Variants in GYPE observed in about 807,000 individuals in gnomAD.
GYPE encodes glycophorin E (MNS blood group).
In GYPE, 8 loss-of-function variants were observed where a neutral mutation model predicts 11.6. The observed-to-expected ratio is 0.69, with a 90% CI of 0.41 to 1.25. The LOEUF (loss-of-function observed/expected upper bound fraction) is 1.25, where lower values mean the gene tolerates loss of function less well. Ranked by LOEUF, GYPE falls within the 50% of genes most tolerant of loss-of-function variation. The probability of loss-of-function intolerance (pLI) is 0.01; values close to 1 mark genes in which losing one functional copy is unlikely to be tolerated. For missense variants in GYPE, 90 were observed against 92.8 expected (o/e 0.97, Z 0.12); for synonymous variants, 28 against 29.6 (o/e 0.94, Z 0.18).
chr4:143,893,734 G>T (rs1394447374), intron 1 of GYPE, among the ~76,000 whole-genome samples: 1 of 152,084 alleles, frequency 6.6e-6, no homozygotes, highest in Non-Finnish European at 1.5e-5. Context: ...CTCTCTGGCT[G>T]CCCTTAGCAT....
chr4:143,895,797 A>C (rs1259944601), intron 1 of GYPE, among the ~76,000 whole-genome samples: 1 of 151,948 alleles, frequency 6.6e-6, no homozygotes, highest in Non-Finnish European at 1.5e-5. Context: ...TGGTACTGGT[A>C]CCAAAACAGA....
intron 3 of GYPE, among the ~76,000 whole-genome samples, 189 bp downstream of exon 3, chr4:143,876,557 C>A (rs184307256): frequency 6.6e-6 from 1 of 152,060 alleles, no homozygotes; most frequent in Admixed American, 6.6e-5. Context: ...TAGAGGCTCC[C>A]TTTAATTGGG....
intron 1 of GYPE, among the ~76,000 whole-genome samples, chr4:143,881,610 T>G (rs1271706798): frequency 6.6e-6 from 1 of 152,184 alleles, no homozygotes; most frequent in Non-Finnish European, 1.5e-5. Flanking sequence ...GCCACAGATA[T>G]CCCTATGCTG....
chr4:143,904,175 A>G (rs1251740284), intron 1 of GYPE, among the ~76,000 whole-genome samples: 2 of 151,898 alleles, frequency 1.3e-5, no homozygotes, highest in African/African-American at 2.4e-5. Flanking sequence ...CACCAATCAC[A>G]TACGTAGGTT....
At chr4:143,879,645 G>T (rs1205759468) in intron 2 of GYPE, among the ~76,000 whole-genome samples, 1 of 152,162 alleles carries the variant, frequency 6.6e-6, no homozygotes, top group South Asian at 2.1e-4. Context: ...AGTTGTAACA[G>T]AATTTTCTGA....
At chr4:143,880,728 G>GTA in intron 1 of GYPE, among the ~76,000 whole-genome samples, 1 of 152,322 alleles carries the variant, frequency 6.6e-6, no homozygotes, top group East Asian at 1.9e-4. Flanking sequence ...CAGAATTTCT[G>GTA]CATGGCAGAG....
chr4:143,890,856 T>A (rs940903837), intron 1 of GYPE, among the ~76,000 whole-genome samples: 5 of 151,830 alleles, frequency 3.3e-5, no homozygotes, highest in Non-Finnish European at 5.9e-5. Flanking sequence ...CATTTAATTT[T>A]ACTTTAATCA....
In GYPE at chr4:143,901,058, A is replaced by G. The variant is rs116245953; in HGVS notation, c.37+4413T>C. 4.9e-3 allele frequency among the ~76,000 whole-genome samples: 740 copies of G among 152,344 alleles called. 11 individuals carry two copies. Among genetic ancestry groups the G allele is most frequent in the African/African-American group, 0.016 (685 of 41,570 alleles). ...GTGCATGGCACAAAGTGAGTGCTAT[A>G]TCACTGTTGGTTTTTATTATTCAGA... On this transcript the variant is annotated intron_variant, in intron 1 of 3. Coordinates refer to ENST00000358615, the MANE Select transcript of GYPE (RefSeq NM_198682.3).
At chr4:143,897,039 A>G (rs888148514) in intron 1 of GYPE, among the ~76,000 whole-genome samples, 54 of 152,212 alleles carry the variant, frequency 3.5e-4, no homozygotes, top group African/African-American at 1.1e-3. Flanking sequence ...GATAGCATTA[A>G]GAGATATACC....
At chr4:143,875,051 T>G (rs950699921) in intron 3 of GYPE, among the ~76,000 whole-genome samples, 1 of 152,200 alleles carries the variant, frequency 6.6e-6, no homozygotes, top group Non-Finnish European at 1.5e-5. Flanking sequence ...CTTTGCTTTT[T>G]AAATTACAGT....
intron 1 of GYPE, among the ~76,000 whole-genome samples, chr4:143,897,528 A>T (rs7686192): frequency 0.014 from 2,165 of 152,234 alleles, 56 homozygotes; most frequent in African/African-American, 0.05. Flanking sequence ...CACACAGAAT[A>T]AGGGAAGGTA....
chr4:143,901,038 T>C (rs1357511246), intron 1 of GYPE, among the ~76,000 whole-genome samples: 1 of 152,226 alleles, frequency 6.6e-6, no homozygotes, highest in Non-Finnish European at 1.5e-5. Context: ...GAACAGTGCA[T>C]GGCACAAAGT....
rs2590007 is a variant in GYPE at position 143,889,221 on chromosome 4, G to T, written c.38-8712C>A. On this transcript the variant is annotated intron_variant, in intron 1 of 3. Coordinates refer to ENST00000358615, the MANE Select transcript of GYPE (RefSeq NM_198682.3). ...CCCTTCAGGAAGCCTGAACTTTTTA[G>T]CCTCGCTCTGTACTATCCAGCTTCT... Among the ~76,000 whole-genome samples the T allele has an allele frequency of 6.1e-3, 918 of 150,770 alleles. 6 individuals are homozygous for T. The highest frequency in any genetic ancestry group is 0.019 in the African/African-American group (763 of 40,280).
At chr4:143,876,940 TAAC>T (rs1478428624) in intron 2 of GYPE, 85 bp from the exon 3 acceptor site, 1 of 755,716 alleles carries the variant, frequency 1.3e-6, no homozygotes, top group Non-Finnish European at 2.4e-6. Flanking sequence ...AACATCAGCA[TAAC>T]ATCACCTTGC....
rs376597450 is a variant in GYPE, at chr4:143,876,741, C to T, written c.*9+5G>A. 5.1e-5 allele frequency: 75 copies of T among 1,477,192 alleles called. No individual in the cohort carries two copies. The highest frequency in any genetic ancestry group is 3.3e-4 in the African/African-American group (24 of 72,280). 91.5% of individuals were successfully genotyped at this position (1,477,192 alleles called of 1,614,324 possible). ...TTAGAGCAAAATTAAAAACTGAATT[C>T]TCACCTTTATCAGTCATCGAATACA... On this transcript the variant is annotated splice_donor_5th_base_variant and intron_variant, in intron 3 of 3. Transcript: ENST00000358615.
Position 143,876,844 on chromosome 4 carries a change from TGA to T in GYPE, c.146_147del (p.Leu49HisfsTer2), listed in dbSNP as rs777566229. 6.2e-7 allele frequency: 1 copy of T among 1,602,296 alleles called. No individual in the cohort carries two copies. The highest frequency in any genetic ancestry group is 8.5e-7 in the Non-Finnish European group (1 of 1,170,064). On this transcript the variant is annotated frameshift_variant, in exon 3 of 4. Transcript: ENST00000358615. LOFTEE classifies it high-confidence loss of function. ...ACACGAGCCATCGCCCACCAATTAA[TGA>T]GTGTTATCCCTACAGGAGATAAAGA... Reference protein sequence around the residue: ...YISSQTNGITLINWWAMARVI... With the variant: ...YISSQTNGITXINWWAMARVI...
intron 1 of GYPE, among the ~76,000 whole-genome samples, chr4:143,890,009 G>A (rs1236587665): frequency 6.6e-6 from 1 of 152,200 alleles, no homozygotes; most frequent in Admixed American, 6.5e-5. Flanking sequence ...AATCAAGTAA[G>A]TTGTCATTGA....
At chr4:143,881,087 T>G (rs569045967) in intron 1 of GYPE, among the ~76,000 whole-genome samples, 95 of 150,914 alleles carry the variant, frequency 6.3e-4, no homozygotes, top group Non-Finnish European at 9.4e-4. Flanking sequence ...GAAACAATAA[T>G]AAAACACTAT....
intron 3 of GYPE, among the ~76,000 whole-genome samples, chr4:143,876,295 G>C (rs1578952455): frequency 6.6e-6 from 1 of 151,962 alleles, no homozygotes. Flanking sequence ...CATATTTTTT[G>C]TATAGACTAG....
Sources: allele counts gnomAD v4.1 joint callset (sites outside exome capture counted in the v4.1 genomes callset), GRCh38; gene constraint gnomAD v4.1.1; transcripts MANE v1.5; gene names NCBI Gene and HGNC (gene_info 2026-07-23, HGNC 2026-07-21).